Variants in MBD5 observed in about 807,000 individuals in gnomAD.
The protein encoded by MBD5 is methyl-CpG binding domain protein 5.
In MBD5, 13 loss-of-function variants were observed where a neutral mutation model predicts 117.3. That is an observed-to-expected ratio of 0.11 (90% CI 0.07 to 0.18). MBD5 has a LOEUF of 0.18. MBD5 is among the 10% of genes least tolerant of loss of function. The probability of loss-of-function intolerance (pLI) is 1.00; values close to 1 mark genes in which losing one functional copy is unlikely to be tolerated. For synonymous variants in MBD5, 727 were observed against 766.4 expected, an observed-to-expected ratio of 0.95 and a Z score of 0.85; for missense variants, 1,879 against 2,093.8, an observed-to-expected ratio of 0.90 and a Z score of 2.00.
chr2:148,458,713 C>A lies in MBD5; in HGVS notation c.-46C>A, dbSNP rs765019533. ...ATCATGCTCTGTAATATAAGGATAT[C>A]ATCTTATTGCTGATATCTTTGGAGA... On this transcript the variant is annotated 5_prime_UTR_variant, in exon 5 of 14. An upstream open reading frame in the 5' UTR gains an earlier in-frame stop. Transcript: ENST00000642680. 7 of 1,498,590 alleles carry A rather than the reference C, an allele frequency of 4.7e-6. No homozygotes were observed. Among genetic ancestry groups the A allele is most frequent in the Non-Finnish European group, 9.3e-7 (1 of 1,075,058 alleles). The allele number at this position is 1,498,590 out of a possible 1,614,324, so 92.8% of individuals were successfully genotyped here.
chr2:148,450,988 GC>G (rs1706710396), intron 4 of MBD5, among the ~76,000 whole-genome samples: 1 of 152,126 alleles, frequency 6.6e-6, no homozygotes, highest in Non-Finnish European at 1.5e-5. Context: ...TACCTTGAGA[GC>G]TGATGAAAAA....
At chr2:148,029,573 T>G (rs1447381001) in intron 1 of MBD5, among the ~76,000 whole-genome samples, 1 of 152,184 alleles carries the variant, frequency 6.6e-6, no homozygotes, top group Non-Finnish European at 1.5e-5. Context: ...TTTGGTAAAT[T>G]GTTTTAGAAG....
chr2:148,145,880 G>A (rs781685490), intron 1 of MBD5, among the ~76,000 whole-genome samples: 5 of 152,106 alleles, frequency 3.3e-5, no homozygotes, highest in Admixed American at 1.3e-4. Flanking sequence ...TTGCATCGAT[G>A]TTCATCAGGG....
chr2:148,429,653 A>G (rs1032921201), intron 4 of MBD5, among the ~76,000 whole-genome samples: 1 of 152,186 alleles, frequency 6.6e-6, no homozygotes, highest in Non-Finnish European at 1.5e-5. Context: ...ACACCATGGA[A>G]TGCTATGCAG....
At chr2:148,252,681 C>T (rs1392081108) in intron 3 of MBD5, among the ~76,000 whole-genome samples, 3 of 152,098 alleles carry the variant, frequency 2.0e-5, no homozygotes, top group Non-Finnish European at 4.4e-5. Context: ...TCCCACATAG[C>T]TGGGACTGCA....
rs1353854878 is a variant in MBD5, at chr2:148,253,417, A to G, written c.-680+20022A>G. 3.3e-5 allele frequency among the ~76,000 whole-genome samples: 5 copies of G among 152,314 alleles called. No individual in the cohort carries two copies. The South Asian group carries it at 8.3e-4, about 25-fold the overall frequency. On this transcript the variant is annotated intron_variant, in intron 3 of 13. Coordinates refer to ENST00000642680, the MANE Select transcript of MBD5 (RefSeq NM_001378120.1). ...GACAGAGAAGCAGTCAGTTGTAACT[A>G]TATATGACAAATGCTATAATATGTA...
At chr2:148,164,370 G>A (rs938509325) in intron 1 of MBD5, among the ~76,000 whole-genome samples, 62 of 152,156 alleles carry the variant, frequency 4.1e-4, no homozygotes, top group African/African-American at 1.5e-3. Context: ...TAACCTTAGG[G>A]TATATGGAGG....
At chr2:148,386,968 A>T (rs1010107742) in intron 4 of MBD5, among the ~76,000 whole-genome samples, 3 of 152,236 alleles carry the variant, frequency 2.0e-5, no homozygotes, top group Non-Finnish European at 4.4e-5. Context: ...GCTGTAACTG[A>T]CCCCTGGCCT....
chr2:148,408,509 A>G (rs1330171729), intron 4 of MBD5, among the ~76,000 whole-genome samples: 1 of 152,220 alleles, frequency 6.6e-6, no homozygotes, highest in Non-Finnish European at 1.5e-5. Flanking sequence ...ATCTTGGATT[A>G]TAATCTATAG....
At chr2:148,264,631 T>C (rs994136309) in intron 3 of MBD5, 1 of 152,186 alleles carries the variant, frequency 6.6e-6, no homozygotes, top group African/African-American at 2.4e-5. Flanking sequence ...GGTAATATCA[T>C]AGAGCCTGCA....
At chr2:148,294,359 GGAC>G (rs1701583422) in intron 3 of MBD5, among the ~76,000 whole-genome samples, 2 of 141,494 alleles carry the variant, frequency 1.4e-5, no homozygotes, top group Non-Finnish European at 3.1e-5. Context: ...CGAGTAGCTG[GGAC>G]TACAGGTGCC....
intron 4 of MBD5, among the ~76,000 whole-genome samples, chr2:148,412,104 T>A (rs567550586): frequency 6.6e-6 from 1 of 152,254 alleles, no homozygotes; most frequent in African/African-American, 2.4e-5. Context: ...ATTTATTGAA[T>A]GGGGAATCCT....
chr2:148,025,756 A>C (rs915486853), intron 1 of MBD5: 53 of 152,282 alleles, frequency 3.5e-4, no homozygotes, highest in African/African-American at 1.3e-3. Flanking sequence ...AGTGTGCACT[A>C]TTTAGGAGTT....
intron 9 of MBD5, among the ~76,000 whole-genome samples, chr2:148,484,449 A>T (rs1223884237): frequency 6.6e-6 from 1 of 152,230 alleles, no homozygotes; most frequent in African/African-American, 2.4e-5. Flanking sequence ...TTTTCAAATA[A>T]TAAAGCACAG....
chr2:148,301,661 C>T (rs1191214784), intron 3 of MBD5, among the ~76,000 whole-genome samples: 1 of 152,134 alleles, frequency 6.6e-6, no homozygotes, highest in Non-Finnish European at 1.5e-5. Flanking sequence ...TGATTCTTCC[C>T]TTGGGGTGGG....
intron 1 of MBD5, chr2:148,041,268 A>G (rs1694353268): frequency 6.6e-6 from 1 of 152,190 alleles, no homozygotes; most frequent in South Asian, 2.1e-4. Context: ...TCTGGACTCT[A>G]TGACTTGTTT....
chr2:148,203,289 T>C (rs1398159894), intron 2 of MBD5, among the ~76,000 whole-genome samples: 1 of 152,204 alleles, frequency 6.6e-6, no homozygotes, highest in Non-Finnish European at 1.5e-5. Flanking sequence ...CAAAGAGTTG[T>C]AACAATTAAA....
intron 3 of MBD5, among the ~76,000 whole-genome samples, chr2:148,258,642 GT>G (rs1438269658): frequency 6.6e-6 from 1 of 152,210 alleles, no homozygotes; most frequent in Non-Finnish European, 1.5e-5. Context: ...TGGCGCAGCA[GT>G]GTATTTCTCC....
At chr2:148,062,675 T>C (rs1291306541) in intron 1 of MBD5, 1 of 152,076 alleles carries the variant, frequency 6.6e-6, no homozygotes, top group Non-Finnish European at 1.5e-5. Context: ...ATTTGAATCA[T>C]AAAATCACTC....
Sources: gnomAD v4.1 joint callset for allele counts (sites outside exome capture counted in the v4.1 genomes callset) on GRCh38, gnomAD v4.1.1 for gene constraint, MANE v1.5 for transcripts, NCBI Gene and HGNC (gene_info 2026-07-23, HGNC 2026-07-21) for gene names.